LRCH1: variants seen among roughly 807,000 people sequenced by gnomAD.
LRCH1 encodes the protein leucine rich repeats and calponin homology domain containing 1, also known as leucine-rich repeat and calponin homology domain-containing protein 1.
LRCH1 carries 23 observed loss-of-function variants against 94.9 expected under a neutral mutation model. That is an observed-to-expected ratio of 0.24 (90% CI 0.17 to 0.34). LRCH1 has a LOEUF of 0.34. Among genes scored for constraint, LRCH1 ranks in the 10% least tolerant of loss-of-function variants. LRCH1 has a pLI of 1.00. For missense variants in LRCH1, 790 were observed against 945.9 expected (o/e 0.84, Z 2.16); for synonymous variants, 364 against 354.9 (o/e 1.03, Z -0.29).
intron 4 of LRCH1, among the ~76,000 whole-genome samples, chr13:46,685,321 A>G (rs1173160390): frequency 6.6e-6 from 1 of 152,206 alleles, no homozygotes; most frequent in African/African-American, 2.4e-5. Context: ...TTCTGAGTGG[A>G]GCTACAGAAG....
chr13:46,610,706 A>G (rs1162889705), intron 1 of LRCH1, among the ~76,000 whole-genome samples: 1 of 152,148 alleles, frequency 6.6e-6, no homozygotes. Context: ...GTATATGTAT[A>G]TATCACAACT....
exon 19 of LRCH1, chr13:46,750,840 T>G: frequency 2.2e-6 from 1 of 462,724 alleles, no homozygotes; most frequent in Non-Finnish European, 3.9e-6. Flanking sequence ...CTTTAAGACT[T>G]GACAGGTATT....
chr13:46,747,617 A>G (rs138001108), downstream of LRCH1, among the ~76,000 whole-genome samples: 2 of 152,352 alleles, frequency 1.3e-5, no homozygotes, highest in African/African-American at 2.4e-5. Context: ...GTCGTGCTGC[A>G]CTGCCTTAGG....
chr13:46,682,088 G>A (rs565118149), intron 4 of LRCH1, among the ~76,000 whole-genome samples: 6 of 152,252 alleles, frequency 3.9e-5, no homozygotes, highest in East Asian at 1.9e-4. Flanking sequence ...TGTGGGGCAC[G>A]GGGGTGGACG....
chr13:46,716,108 T>C (rs576975837), intron 16 of LRCH1, among the ~76,000 whole-genome samples: 5 of 152,254 alleles, frequency 3.3e-5, no homozygotes, highest in Non-Finnish European at 5.9e-5. Context: ...GAGTATTGCA[T>C]TGAAAATAAT....
intron 1 of LRCH1, among the ~76,000 whole-genome samples, chr13:46,581,923 G>T (rs944671127): frequency 6.6e-6 from 1 of 152,140 alleles, no homozygotes; most frequent in African/African-American, 2.4e-5. Flanking sequence ...GCCAAGGTGG[G>T]TGGATCACTT....
At chr13:46,752,875 A>C (rs1183021098) in exon 19 of LRCH1, 1 of 152,104 alleles carries the variant, frequency 6.6e-6, no homozygotes, top group Non-Finnish European at 1.5e-5. Context: ...TTTCTTTTAA[A>C]TGCAGTCCTT....
At chr13:46,740,539 A>T (rs1011663467) in intron 19 of LRCH1, among the ~76,000 whole-genome samples, 10 of 152,228 alleles carry the variant, frequency 6.6e-5, no homozygotes, top group Admixed American at 4.6e-4. Flanking sequence ...TGAGGCCAAA[A>T]TAAAGGACAA....
At chr13:46,730,713 C>T (rs1158137434) in intron 18 of LRCH1, among the ~76,000 whole-genome samples, 1 of 152,164 alleles carries the variant, frequency 6.6e-6, no homozygotes, top group African/African-American at 2.4e-5. Context: ...CAATATGAAA[C>T]ACTCCAGTAT....
chr13:46,700,530 T>C (rs1331880120), intron 10 of LRCH1, among the ~76,000 whole-genome samples: 2 of 152,188 alleles, frequency 1.3e-5, no homozygotes, highest in African/African-American at 2.4e-5. Context: ...CTCAATCTCA[T>C]ACCTAGTGCT....
downstream of LRCH1, among the ~76,000 whole-genome samples, chr13:46,748,599 G>A (rs536931170): frequency 4.6e-5 from 7 of 152,100 alleles, no homozygotes; most frequent in South Asian, 2.1e-4. Flanking sequence ...TCACCATGCC[G>A]CAAAAGGAGG....
chr13:46,742,145 C>G lies in LRCH1; in HGVS notation c.*297C>G. On this transcript the variant is annotated 3_prime_UTR_variant, in exon 20 of 20. Coordinates refer to ENST00000389797, the MANE Select transcript of LRCH1 (RefSeq NM_001164211.2). ...GCAGCAGTGCCACGCAGTTCCTCCT[C>G]TCCCTCCCGGTGAGCTGCTGCCCTG... 1 of 1,219,976 alleles carries G rather than the reference C, an allele frequency of 8.2e-7. No homozygotes were observed. Among genetic ancestry groups the G allele is most frequent in the Non-Finnish European group, 1.0e-6 (1 of 972,330 alleles). The allele number at this position is 1,219,976 out of a possible 1,614,324, so 75.6% of individuals were successfully genotyped here. A position where few individuals can be genotyped will look rare whatever the true frequency, so the allele number is the denominator to read the frequency against.
chr13:46,750,841 G>A, exon 19 of LRCH1: 1 of 458,654 alleles, frequency 2.2e-6, no homozygotes. Context: ...TTTAAGACTT[G>A]ACAGGTATTT....
Position 46,709,521 on chromosome 13 carries a change from A to G in LRCH1, c.1528-2270A>G, listed in dbSNP as rs145765701. 2.7e-3 allele frequency among the ~76,000 whole-genome samples: 418 copies of G among 152,256 alleles called. 1 individual carries two copies. Among genetic ancestry groups the G allele is most frequent in the African/African-American group, 9.3e-3 (388 of 41,538 alleles). On this transcript the variant is annotated intron_variant, in intron 13 of 19. Coordinates refer to ENST00000389797, the MANE Select transcript of LRCH1 (RefSeq NM_001164211.2). ...GTACTCACAGAATGTACCAGGTCCA[A>G]CCTTCCTTAGCACCTTTATTTTAGC...
At chr13:46,655,862 G>A (rs1337287997) in intron 2 of LRCH1, among the ~76,000 whole-genome samples, 1 of 152,202 alleles carries the variant, frequency 6.6e-6, no homozygotes, top group East Asian at 1.9e-4. Context: ...GTCGTGGTGA[G>A]TGCTTTTACT....
chr13:46,616,081 C>T (rs2050804644), intron 1 of LRCH1, among the ~76,000 whole-genome samples: 1 of 152,192 alleles, frequency 6.6e-6, no homozygotes, highest in Non-Finnish European at 1.5e-5. Flanking sequence ...TGCAGTAATG[C>T]ATTTGGCAGC....
intron 11 of LRCH1, among the ~76,000 whole-genome samples, chr13:46,703,321 TAAC>T (rs1871584806): frequency 1.3e-5 from 2 of 152,240 alleles, no homozygotes; most frequent in African/African-American, 2.4e-5. Context: ...CACCATCAGT[TAAC>T]TTGGGTAAGT....
At chr13:46,680,669 G>GTGTA (rs898963362) in intron 3 of LRCH1, among the ~76,000 whole-genome samples, 2 of 152,246 alleles carry the variant, frequency 1.3e-5, no homozygotes, top group African/African-American at 4.8e-5. Context: ...CATGGCTGGA[G>GTGTA]TGTAGGTTGT....
At chr13:46,662,753 G>T (rs1051340559) in intron 2 of LRCH1, among the ~76,000 whole-genome samples, 2 of 152,176 alleles carry the variant, frequency 1.3e-5, no homozygotes, top group African/African-American at 4.8e-5. Flanking sequence ...TACTCACGAG[G>T]AGATAGGCTA....
Sources: gnomAD v4.1 joint callset for allele counts (sites outside exome capture counted in the v4.1 genomes callset) on GRCh38, gnomAD v4.1.1 for gene constraint, MANE v1.5 for transcripts, NCBI Gene and HGNC (gene_info 2026-07-23, HGNC 2026-07-21) for gene names.